MPPED2: variants seen among roughly 807,000 people sequenced by gnomAD.
The protein encoded by MPPED2 is metallophosphoesterase MPPED2.
A neutral mutation model predicts 33.0 loss-of-function variants in MPPED2; 5 were observed. That is an observed-to-expected ratio of 0.15 (90% CI 0.08 to 0.32). MPPED2 has a LOEUF of 0.32. Among genes scored for constraint, MPPED2 ranks in the 10% least tolerant of loss-of-function variants. The probability of loss-of-function intolerance (pLI) is 1.00; values close to 1 mark genes in which losing one functional copy is unlikely to be tolerated. For synonymous variants in MPPED2, 136 were observed against 141.9 expected (o/e 0.96, Z 0.29); for missense variants, 275 against 372.1 (o/e 0.74, Z 2.15).
chr11:30,551,045 C>T (rs968147569), intron 2 of MPPED2, among the ~76,000 whole-genome samples: 1 of 152,198 alleles, frequency 6.6e-6, no homozygotes, highest in African/African-American at 2.4e-5. Context: ...AATTCATTCT[C>T]ATCTTATCAG....
At chr11:30,432,409 T>C (rs1949120174) in intron 4 of MPPED2, among the ~76,000 whole-genome samples, 1 of 151,316 alleles carries the variant, frequency 6.6e-6, no homozygotes, top group South Asian at 2.1e-4. Flanking sequence ...TTTCTAGAGG[T>C]GTCTGCTAAA....
At chr11:30,507,602 C>T (rs942715995) in intron 3 of MPPED2, among the ~76,000 whole-genome samples, 1 of 152,092 alleles carries the variant, frequency 6.6e-6, no homozygotes, top group East Asian at 1.9e-4. Context: ...GTGGCAGTGA[C>T]AATATAGAGG....
At chr11:30,569,303 G>C (rs911991950) in intron 2 of MPPED2, among the ~76,000 whole-genome samples, 9 of 152,088 alleles carry the variant, frequency 5.9e-5, no homozygotes, top group Admixed American at 1.3e-4. Flanking sequence ...TCACACCACT[G>C]TACCAAACAG....
chr11:30,476,268 G>A (rs1299866550), intron 4 of MPPED2, among the ~76,000 whole-genome samples: 1 of 151,766 alleles, frequency 6.6e-6, no homozygotes, highest in African/African-American at 2.4e-5. Context: ...TTAAAATTTT[G>A]TCATTATTTT....
At chr11:30,453,739 GCT>G (rs1950162752) in intron 4 of MPPED2, among the ~76,000 whole-genome samples, 1 of 152,174 alleles carries the variant, frequency 6.6e-6, no homozygotes, top group Non-Finnish European at 1.5e-5. Context: ...AAGAAGACTG[GCT>G]CTGTTTCCCC....
chr11:30,518,061 C>A (rs1455817667), intron 3 of MPPED2, among the ~76,000 whole-genome samples: 2 of 152,140 alleles, frequency 1.3e-5, no homozygotes, highest in African/African-American at 4.8e-5. Flanking sequence ...GCAAAGAAAT[C>A]AAACATTAGA....
At chr11:30,478,566 T>C (rs1034043651) in intron 4 of MPPED2, among the ~76,000 whole-genome samples, 1 of 152,088 alleles carries the variant, frequency 6.6e-6, no homozygotes, top group Non-Finnish European at 1.5e-5. Context: ...AGACCAATGA[T>C]GGCAATGCAT....
chr11:30,527,222 G>A (rs899985431), intron 3 of MPPED2, among the ~76,000 whole-genome samples: 2 of 152,006 alleles, frequency 1.3e-5, no homozygotes, highest in Non-Finnish European at 2.9e-5. Context: ...GAGCCACCGC[G>A]CCCGGCCTCT....
At chr11:30,537,173 T>C (rs1006548653) in intron 2 of MPPED2, among the ~76,000 whole-genome samples, 2 of 152,180 alleles carry the variant, frequency 1.3e-5, no homozygotes, top group East Asian at 1.9e-4. Context: ...TTTAAGGGGT[T>C]TGTCGCAGAG....
chr11:30,445,485 A>G (rs985608475), intron 4 of MPPED2, among the ~76,000 whole-genome samples: 3 of 152,200 alleles, frequency 2.0e-5, no homozygotes, highest in Admixed American at 2.0e-4. Context: ...ATAATTTATC[A>G]TTTTAACCAT....
chr11:30,432,670 C>T (rs1326858958), intron 4 of MPPED2, among the ~76,000 whole-genome samples: 1 of 152,064 alleles, frequency 6.6e-6, no homozygotes, highest in African/African-American at 2.4e-5. Context: ...TATACTTCCA[C>T]CCTATAAAAT....
chr11:30,540,170 T>C (rs1955020676), intron 2 of MPPED2, among the ~76,000 whole-genome samples: 1 of 152,228 alleles, frequency 6.6e-6, no homozygotes, highest in Non-Finnish European at 1.5e-5. Context: ...TTCTCATCTG[T>C]AAAATGGGAA....
chr11:30,414,786 T>C (rs1371450176), intron 5 of MPPED2, among the ~76,000 whole-genome samples: 1 of 152,198 alleles, frequency 6.6e-6, no homozygotes, highest in African/African-American at 2.4e-5. Context: ...GGTCACAAGA[T>C]ACCCAGCTCT....
rs146161851 is a variant in MPPED2 at position 30,459,550 on chromosome 11, G to A, written c.536+35746C>T. On this transcript the variant is annotated intron_variant, in intron 4 of 6. Transcript: ENST00000358117. Reference sequence around the variant, plus strand: ...TTCACAAGATGAAAGCCATGGTAGCGCCTTGAGGTCACATGATAAGGGGAG... The same window carrying A: ...TTCACAAGATGAAAGCCATGGTAGCACCTTGAGGTCACATGATAAGGGGAG... Among the ~76,000 whole-genome samples, 216 of 152,318 alleles carry A rather than the reference G, an allele frequency of 1.4e-3. 2 individuals carry two copies. The highest frequency in any genetic ancestry group is 4.8e-3 in the African/African-American group (199 of 41,560).
chr11:30,567,564 A>G (rs1244355488), intron 2 of MPPED2, among the ~76,000 whole-genome samples: 2 of 152,202 alleles, frequency 1.3e-5, no homozygotes, highest in African/African-American at 4.8e-5. Flanking sequence ...CTAAGTGACT[A>G]ATTTAATACA....
chr11:30,417,403 C>T lies in MPPED2; in HGVS notation c.652+115G>A, dbSNP rs530177447. 2.1e-4 allele frequency: 110 copies of T among 531,414 alleles called. No homozygotes were observed. In the African/African-American group the frequency reaches 2.2e-3, roughly 11 times the overall value. The allele number at this position is 531,414 out of a possible 1,614,324, so 32.9% of individuals were successfully genotyped here. On this transcript the variant is annotated intron_variant, in intron 5 of 6. Transcript: ENST00000358117. ...CTTTAAAGACATTGACTTTTCTTCT[C>T]GTATTCACTTTTTTTTTTTTTTTGG...
At chr11:30,440,651 A>T (rs1274070261) in intron 4 of MPPED2, among the ~76,000 whole-genome samples, 2 of 152,218 alleles carry the variant, frequency 1.3e-5, no homozygotes, top group East Asian at 3.9e-4. Context: ...TGCCAGGCCA[A>T]GAATAGGTTC....
chr11:30,537,286 A>G (rs561818031), intron 2 of MPPED2, among the ~76,000 whole-genome samples: 1 of 152,336 alleles, frequency 6.6e-6, no homozygotes, highest in African/African-American at 2.4e-5. Flanking sequence ...AGAAGCAGTT[A>G]TAAATGCAAA....
intron 4 of MPPED2, among the ~76,000 whole-genome samples, chr11:30,430,856 C>T (rs890937076): frequency 2.6e-5 from 4 of 152,182 alleles, no homozygotes; most frequent in Non-Finnish European, 4.4e-5. Context: ...ATACACTGCA[C>T]ACCATGTCTA....
Sources: allele counts gnomAD v4.1 joint callset (sites outside exome capture counted in the v4.1 genomes callset), GRCh38; gene constraint gnomAD v4.1.1; transcripts MANE v1.5; gene names NCBI Gene and HGNC (gene_info 2026-07-23, HGNC 2026-07-21).